LRRC56: variants seen among roughly 807,000 people sequenced by gnomAD.
LRRC56 encodes leucine rich repeat containing 56.
A neutral mutation model predicts 47.8 loss-of-function variants in LRRC56; 41 were observed. The ratio of observed to expected loss-of-function variants is 0.86; its 90% CI spans 0.67 to 1.11. LRRC56 has a LOEUF of 1.11. LRRC56 is among the 50% of genes most tolerant of loss of function. The pLI is 0.00. For synonymous variants in LRRC56, 387 were observed against 311.2 expected (o/e 1.24, Z -2.56); for missense variants, 759 against 704.2 (o/e 1.08, Z -0.88).
intron 5 of LRRC56, among the ~76,000 whole-genome samples, chr11:544,350 G>A (rs1289698356): frequency 6.6e-6 from 1 of 152,206 alleles, no homozygotes; most frequent in Non-Finnish European, 1.5e-5. Context: ...GAGCCCAGTG[G>A]CCTCCTGCAG....
rs1013361877 is a variant in LRRC56 at position 554,401 on chromosome 11, A to G, written c.*125A>G. The G allele has an allele frequency of 1.2e-4, 99 of 843,002 alleles. No individual in the cohort carries two copies. Among genetic ancestry groups the G allele is most frequent in the Middle Eastern group, 3.4e-4 (1 of 2,954 alleles). 52.2% of individuals were successfully genotyped at this position (843,002 alleles called of 1,614,324 possible). A position where few individuals can be genotyped will look rare whatever the true frequency, so the allele number is the denominator to read the frequency against. ...GAAGGAGTGCCTGGCCCTGGGGAGGACCCTCTTGGTGGAGGGGAGTGGGGG... is the reference window on the plus strand; with the variant it reads ...GAAGGAGTGCCTGGCCCTGGGGAGGGCCCTCTTGGTGGAGGGGAGTGGGGG... On this transcript the variant is annotated 3_prime_UTR_variant, in exon 14 of 14. Coordinates refer to ENST00000270115, the MANE Select transcript of LRRC56 (RefSeq NM_198075.4).
the LRRC56 span, chr11:528,423 C>T: frequency 6.6e-6 from 1 of 152,222 alleles, no homozygotes; most frequent in Admixed American, 6.5e-5. Flanking sequence ...GGTCAGCTGG[C>T]TGCTAGGGGA....
the LRRC56 span, among the ~76,000 whole-genome samples, chr11:512,480 C>T: frequency 6.6e-6 from 1 of 152,182 alleles, no homozygotes; most frequent in Non-Finnish European, 1.5e-5. Context: ...AATGATCTGC[C>T]TGCCTCGGCT....
At position 540,776 on chromosome 11, in the gene LRRC56, C is replaced by G; in HGVS notation, c.92C>G (p.Pro31Arg). 1 of 1,609,996 alleles carries G rather than the reference C, an allele frequency of 6.2e-7. No individual in the cohort carries two copies. The highest frequency in any genetic ancestry group is 8.5e-7 in the Non-Finnish European group (1 of 1,178,870). The stretch of plus-strand genomic sequence containing the variant: ...CTGAGCTGGCAAGGCCTGCACAACC[C>G]CTGCCCACAGAGCAAGGGCCCTGGC... ...RELSWQGLHN[P>R]CPQSKGPGSQ... The change falls in exon 4 of 14, where the codon CCC (proline) becomes CGC (arginine). Residue 31 changes from proline (P) to arginine (R), a missense_variant. Transcript: ENST00000270115.
chr11:545,125 G>A (rs1852004604), intron 6 of LRRC56, among the ~76,000 whole-genome samples: 1 of 152,204 alleles, frequency 6.6e-6, no homozygotes, highest in African/African-American at 2.4e-5. Context: ...CTTGCCGTGT[G>A]ACCCCTACAC....
At chr11:512,150 G>T in the LRRC56 span, among the ~76,000 whole-genome samples, 1 of 152,030 alleles carries the variant, frequency 6.6e-6, no homozygotes. Flanking sequence ...CACCACGTTG[G>T]ACAGGCTGGT....
intron 6 of LRRC56, among the ~76,000 whole-genome samples, chr11:548,168 A>G (rs1852183528): frequency 3.3e-5 from 5 of 152,224 alleles, no homozygotes; most frequent in Admixed American, 3.3e-4. Flanking sequence ...CTTGTCATAA[A>G]TAAAAGACTG....
At chr11:551,350 C>A in intron 9 of LRRC56, 48 bp downstream of exon 9, 1 of 1,303,226 alleles carries the variant, frequency 7.7e-7, no homozygotes, top group South Asian at 1.5e-5. Flanking sequence ...CCAGCTCCCC[C>A]CAGGAAGAGG....
At chr11:532,323 G>T in the LRRC56 span, 2 of 512,248 alleles carry the variant, frequency 3.9e-6, no homozygotes, top group South Asian at 2.2e-5. Flanking sequence ...GCTAAGGGCT[G>T]GGGTTCCGGT....
chr11:553,538 A>G (rs1852551511), intron 13 of LRRC56, among the ~76,000 whole-genome samples: 1 of 152,114 alleles, frequency 6.6e-6, no homozygotes, highest in Non-Finnish European at 1.5e-5. Flanking sequence ...GCCTCAGGGC[A>G]GGGTCAGGAC....
rs371699844 is a variant in LRRC56 at position 550,033 on chromosome 11, G to T, written c.423+35G>T. The T allele has an allele frequency of 3.8e-5, 62 of 1,611,548 alleles. No homozygotes were observed. The African/African-American group carries it at 6.4e-4, about 17-fold the overall frequency. On this transcript the variant is annotated intron_variant, in intron 7 of 13. Coordinates refer to ENST00000270115, the MANE Select transcript of LRRC56 (RefSeq NM_198075.4). Reference sequence around the variant, plus strand: ...GGCACCCTGGGCTGGGGAGGCCTGGGCTGGGCCGGGCCCTGGCTCAGAGCC... The same window carrying T: ...GGCACCCTGGGCTGGGGAGGCCTGGTCTGGGCCGGGCCCTGGCTCAGAGCC...
chr11:534,223 G>A (rs1348427922), upstream of LRRC56: 2 of 1,611,994 alleles, frequency 1.2e-6, no homozygotes, highest in African/African-American at 1.3e-5. Context: ...TCTATAGTGG[G>A]GTCGTATTCG....
At chr11:513,834 AAAAGG>A in the LRRC56 span, among the ~76,000 whole-genome samples, 8 of 151,522 alleles carry the variant, frequency 5.3e-5, no homozygotes. Flanking sequence ...AAAAAAAAAA[AAAAGG>A]AAGAAATTGC....
the LRRC56 span, among the ~76,000 whole-genome samples, chr11:510,120 G>T: frequency 1.3e-5 from 2 of 152,050 alleles, no homozygotes; most frequent in African/African-American, 4.8e-5. Flanking sequence ...CTACACGTTA[G>T]CTTAAATAGG....
At chr11:549,424 C>T (rs116771253) in intron 6 of LRRC56, among the ~76,000 whole-genome samples, 327 of 152,328 alleles carry the variant, frequency 2.1e-3, no homozygotes, top group African/African-American at 7.4e-3. Flanking sequence ...CGCCCTGACC[C>T]ACCGCCACCT....
chr11:511,539 A>G, the LRRC56 span, among the ~76,000 whole-genome samples: 2 of 152,222 alleles, frequency 1.3e-5, no homozygotes, highest in African/African-American at 4.8e-5. Context: ...GCCACTTAGC[A>G]GGAGGAGCTC....
chr11:550,967 TGA>T (rs1852350946), intron 8 of LRRC56, among the ~76,000 whole-genome samples, 162 bp from the exon 9 acceptor site: 1 of 151,946 alleles, frequency 6.6e-6, no homozygotes, highest in Non-Finnish European at 1.5e-5. Context: ...CCCTGGGGTG[TGA>T]GAGTGACCCA....
chr11:536,839 C>G (rs549825211), upstream of LRRC56: 3 of 152,292 alleles, frequency 2.0e-5, no homozygotes, highest in Non-Finnish European at 4.4e-5. Flanking sequence ...CCTCCTGCGC[C>G]GGTCGCTGCT....
rs1216582844 is a variant in LRRC56, at chr11:554,154, G to A, written c.1507G>A (p.Glu503Lys). 6.3e-7 allele frequency: 1 copy of A among 1,598,758 alleles called. No individual in the cohort carries two copies. Among genetic ancestry groups the A allele is most frequent in the Non-Finnish European group, 8.5e-7 (1 of 1,174,626 alleles). Reference sequence around the variant, plus strand: ...TGCAGTGCCTGTCCTGAGAGCCCTGGAGGTGGCCTCACGCCTGAGCCCTCG... The same window carrying A: ...TGCAGTGCCTGTCCTGAGAGCCCTGAAGGTGGCCTCACGCCTGAGCCCTCG... ...VAAVPVLRAL[E>K]VASRLSPRAQ... The change falls in exon 14 of 14, where the codon GAG becomes AAG. Residue 503 changes from glutamate (E) to lysine (K), a missense_variant. Physicochemically the swap from Glu to Lys is moderately conservative, Grantham distance 56 (BLOSUM62 1). Transcript: ENST00000270115.
Sources: allele counts gnomAD v4.1 joint callset (sites outside exome capture counted in the v4.1 genomes callset), GRCh38; gene constraint gnomAD v4.1.1; transcripts MANE v1.5; gene names NCBI Gene and HGNC (gene_info 2026-07-23, HGNC 2026-07-21).